The following CDK5RAP2 variants were observed in gnomAD, a reference collection of about 807,000 sequenced individuals.
CDK5RAP2 encodes CDK5 regulatory subunit associated protein 2.
Under a neutral mutation model 232.9 loss-of-function variants are expected in CDK5RAP2, and 147 were observed. The ratio of observed to expected loss-of-function variants is 0.63; its 90% confidence interval spans 0.55 to 0.72. The LOEUF is 0.72. Ranked by LOEUF, CDK5RAP2 falls within the 30% of genes least tolerant of loss-of-function variation. The pLI is 0.00. For missense variants in CDK5RAP2, 2,195 were observed against 2,231.5 expected, an observed-to-expected ratio of 0.98 and a Z score of 0.33; for synonymous variants, 833 against 833.7, an observed-to-expected ratio of 1.00 and a Z score of 0.01.
intron 11 of CDK5RAP2, among the ~76,000 whole-genome samples, chr9:120,522,769 G>A (rs1186952586): frequency 6.6e-6 from 1 of 152,232 alleles, no homozygotes; most frequent in Non-Finnish European, 1.5e-5. Flanking sequence ...ATCACCTGCT[G>A]TTGCTTCAGT....
intron 19 of CDK5RAP2, 143 bp from the exon 20 acceptor site, chr9:120,458,765 G>T: frequency 2.7e-6 from 2 of 733,166 alleles, no homozygotes; most frequent in Admixed American, 2.1e-5. Flanking sequence ...AAAGAAAAGG[G>T]GGAGGAGAAG....
intron 15 of CDK5RAP2, 103 bp downstream of exon 15, chr9:120,477,247 C>T: frequency 3.2e-6 from 3 of 926,512 alleles, no homozygotes; most frequent in East Asian, 4.8e-5. Flanking sequence ...CAGGGCTTTG[C>T]TGCCTTAGAG....
At chr9:120,511,571 C>A (rs1328818438) in intron 12 of CDK5RAP2, among the ~76,000 whole-genome samples, 4 of 152,074 alleles carry the variant, frequency 2.6e-5, no homozygotes, top group Admixed American at 6.5e-5. Context: ...GCAATTCTTT[C>A]CTTGGGCCTC....
intron 20 of CDK5RAP2, among the ~76,000 whole-genome samples, chr9:120,458,169 G>T (rs2036886466): frequency 6.6e-6 from 1 of 152,212 alleles, no homozygotes; most frequent in Non-Finnish European, 1.5e-5. Context: ...CTCGCTGACA[G>T]CAAGGCAGTC....
intron 3 of CDK5RAP2, among the ~76,000 whole-genome samples, chr9:120,559,488 CAAAA>C (rs558274119): frequency 2.0e-5 from 1 of 48,884 alleles, no homozygotes; most frequent in African/African-American, 7.8e-5. Context: ...GACTCTGTCT[CAAAA>C]AAAAAAAAAA....
In CDK5RAP2 at chr9:120,389,393, C is replaced by T. The variant is rs1384284083; in HGVS notation, c.5626-101G>A. On this transcript the variant is annotated intron_variant, in intron 37 of 37. Transcript: ENST00000349780. ...AAGCGAGACTGTTATTCTCAAAGTG[C>T]TTTCAAAAACATAGTTTGGTCAGTA... 17 of 916,402 alleles carry T rather than the reference C, an allele frequency of 1.9e-5. No homozygotes were observed. The Admixed American group carries it at 3.2e-4, about 17-fold the overall frequency. 56.8% of individuals were successfully genotyped at this position (916,402 alleles called of 1,614,324 possible).
intron 13 of CDK5RAP2, 38 bp downstream of exon 13, chr9:120,491,269 T>C (rs1484790285): frequency 1.3e-6 from 2 of 1,487,420 alleles, no homozygotes; most frequent in Non-Finnish European, 9.4e-7. Context: ...AATCAACCCA[T>C]GCCAAATTAA....
intron 27 of CDK5RAP2, among the ~76,000 whole-genome samples, chr9:120,416,779 C>T (rs1388420455): frequency 6.6e-6 from 1 of 152,146 alleles, no homozygotes; most frequent in Non-Finnish European, 1.5e-5. Context: ...TTAGGGTATA[C>T]TCAGTATATC....
chr9:120,502,078 C>T (rs1451843394), intron 12 of CDK5RAP2, among the ~76,000 whole-genome samples: 1 of 152,180 alleles, frequency 6.6e-6, no homozygotes, highest in Admixed American at 6.5e-5. Context: ...CAGTTCGCCT[C>T]CACACCATGG....
Position 120,452,594 on chromosome 9 carries a change from G to C in CDK5RAP2, c.2793+862C>G, listed in dbSNP as rs943351527. ...TCTATAGGGATTCTTGGCCGTGGGG[G>C]GGTCAAGCCGTGACCTCAAGAGGAT... On this transcript the variant is annotated intron_variant, in intron 21 of 37. Coordinates refer to ENST00000349780, the MANE Select transcript of CDK5RAP2 (RefSeq NM_018249.6). Among the ~76,000 whole-genome samples, 9 of 151,574 alleles carry C rather than the reference G, an allele frequency of 5.9e-5. No individual in the cohort carries two copies. The East Asian group carries it at 1.7e-3, about 29-fold the overall frequency.
rs143596126 is a variant in CDK5RAP2 at position 120,415,079 on chromosome 9, G to A, written c.4258C>T (p.Arg1420Trp). Residue 1420 changes from arginine (R) to tryptophan (W), a missense_variant, in exon 28 of 38, where the codon CGG becomes TGG. Physicochemically the swap from Arg to Trp is moderately radical, Grantham distance 101 (BLOSUM62 -3). Transcript: ENST00000349780. Reference protein sequence around the residue: ...EESIKTNEKLRKQLERQGSEF... With the variant: ...EESIKTNEKLWKQLERQGSEF... ...GATCCTTGCCGTTCCAACTGTTTCC[G>A]TAGCTTCTCATTTGTTTTAATAGAT... 94 of 1,614,076 alleles carry A rather than the reference G, an allele frequency of 5.8e-5. No individual in the cohort carries two copies. The highest frequency in any genetic ancestry group is 7.3e-5 in the Non-Finnish European group (86 of 1,179,958).
intron 12 of CDK5RAP2, among the ~76,000 whole-genome samples, chr9:120,510,284 C>G (rs1025542810): frequency 6.6e-6 from 1 of 152,264 alleles, no homozygotes; most frequent in Admixed American, 6.5e-5. Context: ...TGGGCTTTAG[C>G]CAGCAAATGC....
At chr9:120,572,598 C>T (rs185764234) in intron 1 of CDK5RAP2, among the ~76,000 whole-genome samples, 1 of 152,268 alleles carries the variant, frequency 6.6e-6, no homozygotes, top group East Asian at 1.9e-4. Context: ...GGTTGAATTA[C>T]ATAAATAAAT....
rs1302246628 is a variant in CDK5RAP2, at chr9:120,439,807, G to A, written c.3314C>T (p.Thr1105Ile). 6.2e-7 allele frequency: 1 copy of A among 1,614,160 alleles called. No homozygotes were observed. The change falls in exon 24 of 38, where the codon ACC becomes ATC. Residue 1105 changes from threonine to isoleucine, a missense_variant. Transcript: ENST00000349780. Reference protein sequence around the residue: ...MGTDQSESINTSNETEYLKQK... With the variant: ...MGTDQSESINISNETEYLKQK... ...TTTTAAGTATTCTGTCTCATTTGAG[G>A]TATTAATGCTCTCTGACTGATCAGT...
At chr9:120,573,218 T>C (rs1235470682) in intron 1 of CDK5RAP2, among the ~76,000 whole-genome samples, 1 of 152,138 alleles carries the variant, frequency 6.6e-6, no homozygotes, top group African/African-American at 2.4e-5. Flanking sequence ...AAATTGGAAA[T>C]ATCATAAAAT....
At chr9:120,536,790 C>G (rs887883582) in intron 6 of CDK5RAP2, among the ~76,000 whole-genome samples, 3 of 152,062 alleles carry the variant, frequency 2.0e-5, no homozygotes, top group African/African-American at 7.2e-5. Context: ...AAAATCAGAT[C>G]AATATTTACA....
chr9:120,466,949 C>T (rs1005447698), intron 18 of CDK5RAP2, among the ~76,000 whole-genome samples: 1 of 152,178 alleles, frequency 6.6e-6, no homozygotes. Context: ...TACAAAAAGG[C>T]CCTACTACTG....
chr9:120,470,192 T>C lies in CDK5RAP2; in HGVS notation c.1887A>G (p.Gln629=), dbSNP rs777300251. 1 of 1,584,754 alleles carries C rather than the reference T, an allele frequency of 6.3e-7. No homozygotes were observed. Among genetic ancestry groups the C allele is most frequent in the Non-Finnish European group, 8.6e-7 (1 of 1,157,132 alleles). Residue 629 remains glutamine, a synonymous_variant, in exon 17 of 38, where the codon CAA becomes CAG. Transcript: ENST00000349780. ...EEESFSLYSD[Q]TSYLSICLEE... ...CAAGGCAAATACTTAGATAAGATGT[T>C]TGATCACTATAAAGTGAAAATGATT...
chr9:120,518,091 G>C (rs1441350885), intron 12 of CDK5RAP2, among the ~76,000 whole-genome samples: 1 of 151,506 alleles, frequency 6.6e-6, no homozygotes, highest in Non-Finnish European at 1.5e-5. Context: ...TCATGACATG[G>C]CAACAAACCA....
Sources: gnomAD v4.1 joint callset for allele counts (sites outside exome capture counted in the v4.1 genomes callset) on GRCh38, gnomAD v4.1.1 for gene constraint, MANE v1.5 for transcripts, NCBI Gene and HGNC (gene_info 2026-07-23, HGNC 2026-07-21) for gene names.